Variants in UBE2V2 observed in about 807,000 individuals in gnomAD.
The protein encoded by UBE2V2 is ubiquitin conjugating enzyme E2 V2, also known as ubiquitin-conjugating enzyme E2 variant 2.
A neutral mutation model predicts 17.2 loss-of-function variants in UBE2V2; 9 were observed. The observed-to-expected ratio is 0.52, with a 90% CI of 0.32 to 0.91. The LOEUF (loss-of-function observed/expected upper bound fraction) is 0.91. Among genes scored for constraint, UBE2V2 ranks in the 40% least tolerant of loss-of-function variants. UBE2V2 has a pLI of 0.04. For missense variants in UBE2V2, 133 were observed against 182.6 expected (o/e 0.73, Z 1.56); for synonymous variants, 61 against 57.5 (o/e 1.06, Z -0.28).
At chr8:48,057,169 G>T (rs2091578588) in intron 3 of UBE2V2, among the ~76,000 whole-genome samples, 1 of 152,136 alleles carries the variant, frequency 6.6e-6, no homozygotes, top group Non-Finnish European at 1.5e-5. Flanking sequence ...AATTTTAATA[G>T]GAGTTGTATT....
intron 1 of UBE2V2, among the ~76,000 whole-genome samples, chr8:48,031,161 A>T (rs2091380511): frequency 6.6e-6 from 1 of 151,804 alleles, no homozygotes; most frequent in African/African-American, 2.4e-5. Context: ...GTGAGCTGAG[A>T]TGGTGCCACT....
At chr8:48,050,563 A>ATT (rs965875629) in intron 3 of UBE2V2, 2 of 151,990 alleles carry the variant, frequency 1.3e-5, no homozygotes, top group African/African-American at 2.4e-5. Flanking sequence ...TTGCCTTAAT[A>ATT]GTCATATTTC....
At chr8:48,002,736 A>G in the UBE2V2 span, among the ~76,000 whole-genome samples, 3 of 152,266 alleles carry the variant, frequency 2.0e-5, no homozygotes, top group South Asian at 4.1e-4. Context: ...TGTCAGTTAG[A>G]TAGGAGGAAT....
intron 1 of UBE2V2, among the ~76,000 whole-genome samples, chr8:48,012,730 GAAAA>G (rs531673929): frequency 6.6e-6 from 1 of 151,150 alleles, no homozygotes; most frequent in Non-Finnish European, 1.5e-5. Flanking sequence ...GAAAAAAAAA[GAAAA>G]AAAGCGTGTG....
At chr8:48,015,050 CAAAAAAA>C (rs1173137634) in intron 1 of UBE2V2, among the ~76,000 whole-genome samples, 6 of 63,750 alleles carry the variant, frequency 9.4e-5, no homozygotes, top group Non-Finnish European at 1.9e-4. Context: ...ACTCCATCTC[CAAAAAAA>C]AAAAAAAAAA....
At chr8:48,011,599 C>T (rs1469359444) in intron 1 of UBE2V2, among the ~76,000 whole-genome samples, 2 of 152,064 alleles carry the variant, frequency 1.3e-5, no homozygotes, top group African/African-American at 4.8e-5. Context: ...ATACCTTAGC[C>T]CCTTTAACCC....
At chr8:48,009,496 C>T (rs898881154) in intron 1 of UBE2V2, among the ~76,000 whole-genome samples, 1 of 152,268 alleles carries the variant, frequency 6.6e-6, no homozygotes, top group South Asian at 2.1e-4. Flanking sequence ...GAACTCCTGA[C>T]CTCAGGTGAT....
chr8:48,008,303 C>A (rs2091198982), upstream of UBE2V2: 1 of 976,612 alleles, frequency 1.0e-6, no homozygotes. Flanking sequence ...GGCCCCGCGA[C>A]CCCTCGGCCC....
intron 1 of UBE2V2, chr8:48,042,738 A>G (rs546845701): frequency 2.0e-5 from 4 of 200,606 alleles, no homozygotes; most frequent in Middle Eastern, 1.8e-3. Context: ...CAGAAACATC[A>G]AATAGGGAAA....
chr8:48,025,125 G>C (rs187058707), intron 1 of UBE2V2, among the ~76,000 whole-genome samples: 1 of 151,874 alleles, frequency 6.6e-6, no homozygotes, highest in Non-Finnish European at 1.5e-5. Flanking sequence ...TAGTAGAAAC[G>C]GGGTTTCACC....
intron 1 of UBE2V2, among the ~76,000 whole-genome samples, chr8:48,009,669 G>A (rs933500737): frequency 6.6e-6 from 1 of 152,166 alleles, no homozygotes; most frequent in African/African-American, 2.4e-5. Context: ...AAATCTATAT[G>A]TACTGAAATG....
chr8:48,024,008 G>T (rs1255203175), intron 1 of UBE2V2, among the ~76,000 whole-genome samples: 3 of 152,144 alleles, frequency 2.0e-5, no homozygotes, highest in Non-Finnish European at 2.9e-5. Context: ...GACTGGGTTT[G>T]GGAGTGCTTT....
chr8:48,061,364 TGGG>T lies in UBE2V2; in HGVS notation c.*540_*542del, dbSNP rs1375595262. ...TACCTGTATTTATAATAAAAAATGT[TGGG>T]GGGAGTTGATGAATTCCTGTTAAAA... On this transcript the variant is annotated 3_prime_UTR_variant, in exon 4 of 4. Coordinates refer to ENST00000523111, the MANE Select transcript of UBE2V2 (RefSeq NM_003350.3). The T allele has an allele frequency of 1.2e-4, 19 of 152,556 alleles. No individual in the cohort carries two copies. Among genetic ancestry groups the T allele is most frequent in the Admixed American group, 1.2e-3 (19 of 15,268 alleles). The allele number at this position is 152,556 out of a possible 1,614,324, so 9.5% of individuals were successfully genotyped here.
intron 1 of UBE2V2, among the ~76,000 whole-genome samples, chr8:48,027,444 A>G (rs764408073): frequency 1.3e-4 from 20 of 152,048 alleles, no homozygotes; most frequent in Non-Finnish European, 2.1e-4. Context: ...TTTGATTTGC[A>G]TTTCCCTGAT....
At chr8:48,048,295 A>AAT (rs2091513931) in intron 2 of UBE2V2, among the ~76,000 whole-genome samples, 1 of 152,150 alleles carries the variant, frequency 6.6e-6, no homozygotes, top group Non-Finnish European at 1.5e-5. Context: ...TTTATTGTTG[A>AAT]ATAGTATTTT....
chr8:48,019,151 G>A (rs1330246318), intron 1 of UBE2V2, among the ~76,000 whole-genome samples: 3 of 152,136 alleles, frequency 2.0e-5, no homozygotes, highest in Non-Finnish European at 4.4e-5. Context: ...TGGAGCACGA[G>A]GTTGGGAGTT....
In UBE2V2 at chr8:48,060,756, A is replaced by G; in HGVS notation, c.366A>G (p.Leu122=). The G allele has an allele frequency of 1.3e-6, 2 of 1,574,944 alleles. No individual in the cohort carries two copies. Among genetic ancestry groups the G allele is most frequent in the Non-Finnish European group, 1.7e-6 (2 of 1,162,452 alleles). ...GCATTAAAGTTGTACTTCAAGAGCT[A>G]AGACGTCTAATGATGTCCAAAGAAA... ...SYSIKVVLQE[L]RRLMMSKENM... The change falls in exon 4 of 4, where the codon CTA becomes CTG. Residue 122 remains leucine (L), a synonymous_variant. Coordinates refer to ENST00000523111, the MANE Select transcript of UBE2V2 (RefSeq NM_003350.3).
upstream of UBE2V2, among the ~76,000 whole-genome samples, chr8:48,005,729 T>C (rs912307095): frequency 1.2e-4 from 18 of 152,266 alleles, no homozygotes; most frequent in Non-Finnish European, 2.4e-4. Flanking sequence ...TGTGAGATGG[T>C]AGCTCATTGT....
intron 1 of UBE2V2, among the ~76,000 whole-genome samples, chr8:48,029,471 G>A (rs1027594101): frequency 2.5e-4 from 38 of 152,302 alleles, no homozygotes; most frequent in African/African-American, 8.9e-4. Context: ...TGACAGAAGG[G>A]CAGGAGTCTG....
Sources: gnomAD v4.1 joint callset for allele counts (sites outside exome capture counted in the v4.1 genomes callset) on GRCh38, gnomAD v4.1.1 for gene constraint, MANE v1.5 for transcripts, NCBI Gene and HGNC (gene_info 2026-07-23, HGNC 2026-07-21) for gene names.